Variants in IRAG2 observed in about 807,000 individuals in gnomAD.
The protein encoded by IRAG2 is lymphoid restricted membrane protein.
In IRAG2, 45 loss-of-function variants were observed where a neutral mutation model predicts 69.9. That is an observed-to-expected ratio of 0.64 (90% CI 0.51 to 0.83). IRAG2 has a LOEUF of 0.83. IRAG2 is among the 40% of genes least tolerant of loss of function. The pLI, the probability that IRAG2 is intolerant of heterozygous loss-of-function variation, is 0.00. For synonymous variants in IRAG2, 193 were observed against 202.4 expected (o/e 0.95, Z 0.40); for missense variants, 520 against 587.0 (o/e 0.89, Z 1.18).
At chr12:25,006,914 T>C (rs1686607047) in intron 2 of IRAG2, among the ~76,000 whole-genome samples, 1 of 152,184 alleles carries the variant, frequency 6.6e-6, no homozygotes, top group Admixed American at 6.6e-5. Context: ...AAATGATTCA[T>C]GCTCATTTGT....
chr12:25,005,945 A>G (rs1944427006), intron 2 of IRAG2, among the ~76,000 whole-genome samples: 1 of 152,182 alleles, frequency 6.6e-6, no homozygotes, highest in South Asian at 2.1e-4. Flanking sequence ...TAAATAAACA[A>G]TCTACAGAGA....
At chr12:25,079,526 C>T (rs1947053915) in intron 8 of IRAG2, 64 bp downstream of exon 8, 1 of 1,450,540 alleles carries the variant, frequency 6.9e-7, no homozygotes, top group East Asian at 2.3e-5. Context: ...GCCTGATGTT[C>T]TGTGACCTGC....
chr12:24,998,324 G>C, the IRAG2 span, among the ~76,000 whole-genome samples: 5 of 152,162 alleles, frequency 3.3e-5, no homozygotes, highest in African/African-American at 1.2e-4. Context: ...TAATCAGAAA[G>C]GTTGCGGATG....
intron 14 of IRAG2, among the ~76,000 whole-genome samples, chr12:25,091,833 T>C (rs2140178601): frequency 6.6e-6 from 1 of 152,336 alleles, no homozygotes; most frequent in East Asian, 1.9e-4. Flanking sequence ...CTTATTGTGG[T>C]TTGGTTTGTA....
In IRAG2 at chr12:25,077,253, GAT is replaced by G. The variant is rs1491260721; in HGVS notation, c.25-1982_25-1981del. 2.4e-3 allele frequency among the ~76,000 whole-genome samples: 55 copies of G among 22,904 alleles called. 3 individuals carry two copies. Among genetic ancestry groups the G allele is most frequent in the East Asian group, 2.9e-3 (2 of 700 alleles). 15.0% of individuals were successfully genotyped at this position (22,904 alleles called of 152,430 possible). ...TGATATATATATGAAATATATATAT[GAT>G]ATATATATGAAATATATATGAAATA... On this transcript the variant is annotated intron_variant, in intron 6 of 21. Transcript: ENST00000556887.
chr12:25,091,788 T>C (rs1447506291), intron 14 of IRAG2, among the ~76,000 whole-genome samples: 1 of 152,248 alleles, frequency 6.6e-6, no homozygotes. Context: ...CTGTTTGATT[T>C]TATGATAGCC....
intron 2 of IRAG2, among the ~76,000 whole-genome samples, chr12:25,007,478 C>T (rs967056972): frequency 3.9e-5 from 6 of 151,986 alleles, no homozygotes; most frequent in South Asian, 2.1e-4. Flanking sequence ...CTCTGTGTTT[C>T]GCTTTCCATC....
chr12:25,009,906 A>G (rs758167735), intron 2 of IRAG2, among the ~76,000 whole-genome samples: 2 of 152,166 alleles, frequency 1.3e-5, no homozygotes, highest in Non-Finnish European at 2.9e-5. Context: ...TCAGGCCTTC[A>G]ACTGGTTGGA....
chr12:25,099,719 T>G (rs1292654746), intron 15 of IRAG2, among the ~76,000 whole-genome samples: 1 of 152,188 alleles, frequency 6.6e-6, no homozygotes, highest in East Asian at 1.9e-4. Flanking sequence ...AAAGGATGTG[T>G]GGCCGGGCGC....
Position 25,079,724 on chromosome 12 carries a change from G to A in IRAG2, c.205G>A (p.Glu69Lys). The A allele has an allele frequency of 1.9e-6, 3 of 1,613,994 alleles. No individual in the cohort carries two copies. The highest frequency in any genetic ancestry group is 1.3e-5 in the African/African-American group (1 of 75,042). ...LDRNSLCKKE[E>K]DTRSASPTIE... Reference sequence around the variant, plus strand: ...CAGAAACTCGCTCTGTAAGAAAGAGGAGGATACAAGATCAGCTTCTCCCAC... The same window carrying A: ...CAGAAACTCGCTCTGTAAGAAAGAGAAGGATACAAGATCAGCTTCTCCCAC... The change falls in exon 9 of 22, where the codon GAG (glutamate) becomes AAG (lysine). Residue 69 changes from glutamate (E) to lysine (K), a missense_variant. Transcript: ENST00000556887.
exon 3 of IRAG2, chr12:25,011,503 C>T: frequency 1.6e-6 from 2 of 1,231,706 alleles, no homozygotes; most frequent in Non-Finnish European, 2.0e-6. Context: ...GACCTGGAAA[C>T]TTTCCAGGCC....
upstream of IRAG2, chr12:25,004,212 C>T (rs529040811): frequency 1.8e-5 from 11 of 617,176 alleles, no homozygotes; most frequent in South Asian, 8.8e-5. Flanking sequence ...GTCATGATCC[C>T]GCCAAAGTTG....
At chr12:25,084,730 T>C (rs147085216) in intron 10 of IRAG2, among the ~76,000 whole-genome samples, 23 of 152,276 alleles carry the variant, frequency 1.5e-4, no homozygotes, top group East Asian at 5.8e-4. Context: ...ATTCTAAAGA[T>C]AGTGAAATGA....
chr12:25,026,550 G>A (rs554205707), intron 8 of IRAG2, among the ~76,000 whole-genome samples: 113 of 152,286 alleles, frequency 7.4e-4, no homozygotes, highest in African/African-American at 2.7e-3. Flanking sequence ...AAGTAATCTG[G>A]AAAGCCAAGA....
At chr12:25,010,753 A>G (rs34967096) in intron 2 of IRAG2, among the ~76,000 whole-genome samples, 7,810 of 152,100 alleles carry the variant, frequency 0.051, 256 homozygotes, top group East Asian at 0.089. Flanking sequence ...TCTCCTTTGC[A>G]AGTAGCCAGC....
chr12:25,065,750 GC>G (rs1179949733), intron 4 of IRAG2, among the ~76,000 whole-genome samples: 1 of 152,208 alleles, frequency 6.6e-6, no homozygotes, highest in Non-Finnish European at 1.5e-5. Flanking sequence ...GCTCACTGCA[GC>G]CTCAACCTCT....
At chr12:25,015,112 A>AAAAAAAAAAAAG (rs1555125446) in intron 3 of IRAG2, 2 of 360,094 alleles carry the variant, frequency 5.6e-6, no homozygotes, top group African/African-American at 2.7e-5. Flanking sequence ...AAAAAAAAAA[A>AAAAAAAAAAAAG]GACAAAACTT....
At chr12:25,003,741 A>T (rs909009069), upstream of IRAG2, among the ~76,000 whole-genome samples, 1 of 152,174 alleles carries the variant, frequency 6.6e-6, no homozygotes, top group Admixed American at 6.5e-5. Context: ...AAAGGAGGAT[A>T]TTTCCACACA....
At chr12:25,021,086 CTTTTCTTTTTTTTT>C (rs1468450609) in intron 7 of IRAG2, 4 of 287,968 alleles carry the variant, frequency 1.4e-5, no homozygotes, top group Non-Finnish European at 2.4e-5. Flanking sequence ...TTCTTTCTTT[CTTTTCTTTTTTTTT>C]TTTTCTTTTT....
Sources: allele counts gnomAD v4.1 joint callset (sites outside exome capture counted in the v4.1 genomes callset), GRCh38; gene constraint gnomAD v4.1.1; transcripts MANE v1.5; gene names NCBI Gene and HGNC (gene_info 2026-07-23, HGNC 2026-07-21).